Variants in SYNE3 observed in about 807,000 individuals in gnomAD.
SYNE3 encodes spectrin repeat containing nuclear envelope family member 3.
Under a neutral mutation model 111.2 loss-of-function variants are expected in SYNE3, and 100 were observed. That is an observed-to-expected ratio of 0.90 (90% confidence interval 0.77 to 1.06). SYNE3 has a LOEUF of 1.06. SYNE3 is among the 50% of genes least tolerant of loss of function. The pLI is 0.00. For missense variants in SYNE3, 1,160 were observed against 1,240.3 expected, an observed-to-expected ratio of 0.94 and a Z score of 0.97; for synonymous variants, 547 against 533.9, an observed-to-expected ratio of 1.02 and a Z score of -0.34.
In SYNE3 at chr14:95,440,006, G is replaced by T; in HGVS notation, c.1981C>A (p.Arg661=). Residue 661 remains arginine, a synonymous_variant, in exon 12 of 18, where the codon CGG becomes AGG. Transcript: ENST00000682763. ...CTFSHQLLEL[R]QWIVVTTQKL... is the part of the protein sequence containing the mutation. ...TGCGTGGTCACAACGATCCACTGCC[G>T]CAGCTCCAGCAGCTGGTGGCTGAAG... 1 of 1,612,586 alleles carries T rather than the reference G, an allele frequency of 6.2e-7. No individual in the cohort carries two copies. Among genetic ancestry groups the T allele is most frequent in the Non-Finnish European group, 8.5e-7 (1 of 1,180,020 alleles).
chr14:95,499,184 G>A (rs796437534), intron 1 of SYNE3, among the ~76,000 whole-genome samples: 19 of 152,270 alleles, frequency 1.2e-4, no homozygotes, highest in African/African-American at 3.9e-4. Flanking sequence ...TTCATTTCCC[G>A]GGAAACCTGC....
intron 10 of SYNE3, chr14:95,444,053 C>A: frequency 5.4e-6 from 1 of 186,506 alleles, no homozygotes; most frequent in Non-Finnish European, 1.1e-5. Context: ...TATTGTATCA[C>A]GCGCATTTTA....
chr14:95,434,008 T>C (rs568926490), intron 15 of SYNE3, among the ~76,000 whole-genome samples: 1 of 152,056 alleles, frequency 6.6e-6, no homozygotes, highest in South Asian at 2.1e-4. Flanking sequence ...ATGTATGCTG[T>C]ACAAAAAGCA....
chr14:95,458,775 GCT>G (rs1566667732), intron 4 of SYNE3, among the ~76,000 whole-genome samples: 1 of 152,206 alleles, frequency 6.6e-6, no homozygotes, highest in African/African-American at 2.4e-5. Flanking sequence ...CCCTGTGAAC[GCT>G]TCCTGAATGG....
Position 95,436,949 on chromosome 14 carries a change from A to C in SYNE3, c.2409T>G (p.His803Gln), listed in dbSNP as rs1886118500. Reference sequence around the variant, plus strand: ...TCCTCAGGAGCTGGGAGAAATCTTCATGGCTCCCTTCTTCTTCCTGTAGAA... The same window carrying C: ...TCCTCAGGAGCTGGGAGAAATCTTCCTGGCTCCCTTCTTCTTCCTGTAGAA... The part of the protein sequence containing the change: ...ANLLQEEEGS[H>Q]EDFSQLLRNF... Residue 803 changes from histidine to glutamine, a missense_variant, in exon 15 of 18, where the codon CAT becomes CAG. By Grantham distance (24) the His-to-Gln change is conservative. Coordinates refer to ENST00000682763, the MANE Select transcript of SYNE3 (RefSeq NM_152592.6). 1.2e-6 allele frequency: 2 copies of C among 1,612,720 alleles called. No homozygotes were observed. Among genetic ancestry groups the C allele is most frequent in the Non-Finnish European group, 1.7e-6 (2 of 1,179,644 alleles).
chr14:95,450,894 C>T (rs4905315), intron 7 of SYNE3: 41,915 of 152,076 alleles, frequency 0.28, 6,077 homozygotes, highest in African/African-American at 0.37. Flanking sequence ...AGACATTATT[C>T]TTCCAGTAAC....
chr14:95,433,767 C>A (rs1885926066), intron 15 of SYNE3, among the ~76,000 whole-genome samples: 1 of 152,166 alleles, frequency 6.6e-6, no homozygotes, highest in Admixed American at 6.5e-5. Flanking sequence ...TTGAGCCTGG[C>A]AGAATGGTGT....
chr14:95,468,199 G>C (rs543684827), intron 2 of SYNE3, among the ~76,000 whole-genome samples: 4 of 152,306 alleles, frequency 2.6e-5, no homozygotes, highest in Admixed American at 2.6e-4. Context: ...CTGATGAATG[G>C]CTCTCTCCTT....
At position 95,500,013 on chromosome 14, in the gene SYNE3, C is replaced by T. The variant is rs907867812; in HGVS notation, c.-15+16583G>A. Among the ~76,000 whole-genome samples the T allele has an allele frequency of 3.3e-5, 5 of 152,072 alleles. No individual in the cohort carries two copies. The highest frequency in any genetic ancestry group is 1.2e-4 in the African/African-American group (5 of 41,372). On this transcript the variant is annotated intron_variant, in intron 1 of 17. Coordinates refer to ENST00000682763, the MANE Select transcript of SYNE3 (RefSeq NM_152592.6). This position sits in a 1 kb window ranked among gnomAD's most constrained non-coding sequence, Gnocchi z 4.7. Reference sequence around the variant, plus strand: ...TAGCTGGGACTACAGGCACCTGCCACCACACCCGACTAATTTTTTTATTTT... The same window carrying T: ...TAGCTGGGACTACAGGCACCTGCCATCACACCCGACTAATTTTTTTATTTT...
intron 17 of SYNE3, among the ~76,000 whole-genome samples, chr14:95,420,102 A>G (rs1361664653): frequency 6.6e-6 from 1 of 151,618 alleles, no homozygotes; most frequent in African/African-American, 2.4e-5. Flanking sequence ...TTCACTCACC[A>G]AAGTCTTTAG....
chr14:95,418,666 T>C (rs12885850), intron 17 of SYNE3, among the ~76,000 whole-genome samples: 91,549 of 151,670 alleles, frequency 0.6, 28,214 homozygotes, highest in Non-Finnish European at 0.69. Context: ...TTCAGTGGTG[T>C]GATCTCAGCT....
chr14:95,437,611 G>C (rs1886165458), intron 14 of SYNE3, among the ~76,000 whole-genome samples: 1 of 152,194 alleles, frequency 6.6e-6, no homozygotes, highest in South Asian at 2.1e-4. Flanking sequence ...CCTAGGAACT[G>C]CTGCAGGCTC....
In SYNE3 at chr14:95,411,882, C is replaced by G. The variant is rs1161897383; in HGVS notation, c.*5944G>C. 1 of 152,350 alleles carries G rather than the reference C, an allele frequency of 6.6e-6. No individual in the cohort carries two copies. The highest frequency in any genetic ancestry group is 1.5e-5 in the Non-Finnish European group (1 of 68,124). 9.4% of individuals were successfully genotyped at this position (152,350 alleles called of 1,614,324 possible). On this transcript the variant is annotated 3_prime_UTR_variant, in exon 18 of 18. Transcript: ENST00000682763. ...ATGGACACGCCAACCCAGATGATCC[C>G]CAGTGGGGAAAAGTGGGCTTCTCAG...
chr14:95,435,503 T>C (rs1488660401), intron 15 of SYNE3, among the ~76,000 whole-genome samples: 2 of 152,196 alleles, frequency 1.3e-5, no homozygotes. Flanking sequence ...TAGTTACATA[T>C]GTTTAAATGA....
At chr14:95,440,388 C>T (rs1195911666) in intron 11 of SYNE3, among the ~76,000 whole-genome samples, 3 of 152,230 alleles carry the variant, frequency 2.0e-5, no homozygotes, top group African/African-American at 4.8e-5. Context: ...GTGGAAACCA[C>T]GGGTCAGAAT....
At chr14:95,456,379 A>G (rs968903031) in intron 5 of SYNE3, among the ~76,000 whole-genome samples, 1 of 152,222 alleles carries the variant, frequency 6.6e-6, no homozygotes, top group African/African-American at 2.4e-5. Flanking sequence ...CCGATGGCAG[A>G]CCTGGCGCCT....
intron 2 of SYNE3, among the ~76,000 whole-genome samples, chr14:95,475,367 C>T (rs776686140): frequency 1.3e-4 from 19 of 147,832 alleles, no homozygotes; most frequent in East Asian, 1.9e-4. Context: ...CCAGGCTGCA[C>T]GGGTCCCCCC....
At position 95,443,374 on chromosome 14, in the gene SYNE3, G is replaced by A. The variant is rs1030985960; in HGVS notation, c.1777-85C>T. 1.2e-5 allele frequency: 18 copies of A among 1,519,968 alleles called. No individual in the cohort carries two copies. In the African/African-American group the frequency reaches 2.2e-4, roughly 19 times the overall value. The allele number at this position is 1,519,968 out of a possible 1,614,324, so 94.2% of individuals were successfully genotyped here. On this transcript the variant is annotated intron_variant, in intron 10 of 17. Coordinates refer to ENST00000682763, the MANE Select transcript of SYNE3 (RefSeq NM_152592.6). ...CCGATCAGGGCAGAGCCTCTGAGTG[G>A]GAGAGCCTGGGAGGGGTGAATTCCC...
intron 2 of SYNE3, among the ~76,000 whole-genome samples, chr14:95,471,571 A>T (rs57415720): frequency 0.014 from 2,151 of 152,334 alleles, 59 homozygotes; most frequent in African/African-American, 0.049. Context: ...TAGGAAGTTT[A>T]TTGGAGGCTT....
Sources: gnomAD v4.1 joint callset for allele counts (sites outside exome capture counted in the v4.1 genomes callset) on GRCh38, gnomAD v4.1.1 for gene constraint, Gnocchi (gnomAD v3.1) non-coding constraint, MANE v1.5 for transcripts, NCBI Gene and HGNC (gene_info 2026-07-23, HGNC 2026-07-21) for gene names.